Variants in ULK4 observed in about 807,000 individuals in gnomAD.
The protein encoded by ULK4 is unc-51 like kinase 4.
ULK4 carries 133 observed loss-of-function variants against 160.6 expected under a neutral mutation model. The observed-to-expected ratio is 0.83, with a 90% CI of 0.72 to 0.96. The LOEUF is 0.96. Ranked by LOEUF, ULK4 falls within the 40% of genes least tolerant of loss-of-function variation. The pLI, the probability that ULK4 is intolerant of heterozygous loss-of-function variation, is 0.00. For missense variants in ULK4, 1,580 were observed against 1,499.5 expected (o/e 1.05, Z -0.89); for synonymous variants, 534 against 539.8 (o/e 0.99, Z 0.15).
chr3:41,627,484 C>A (rs913973945), intron 30 of ULK4, among the ~76,000 whole-genome samples: 1 of 152,338 alleles, frequency 6.6e-6, no homozygotes, highest in South Asian at 2.1e-4. Flanking sequence ...AGCCCCCATC[C>A]GGCAAGGACA....
chr3:41,953,096 A>G (rs1050050106), intron 2 of ULK4, among the ~76,000 whole-genome samples: 7 of 152,004 alleles, frequency 4.6e-5, no homozygotes, highest in Admixed American at 1.3e-4. Context: ...TTACAAGATG[A>G]AAACAGTTAT....
intron 35 of ULK4, among the ~76,000 whole-genome samples, chr3:41,382,177 CAT>C (rs1409743755): frequency 1.3e-5 from 2 of 152,162 alleles, no homozygotes; most frequent in African/African-American, 2.4e-5. Context: ...TAAAATACCA[CAT>C]AGTTTACTTA....
chr3:41,754,383 A>G lies in ULK4; in HGVS notation c.2299T>C (p.Leu767=). The change falls in exon 22 of 37, where the codon TTG becomes CTG. Residue 767 remains leucine, a synonymous_variant. Transcript: ENST00000301831. ...TACCTTGCTTGGCAACTGAGCAGCAACATCTCACGGTTATAAATCAAAATA... is the reference window on the plus strand; with the variant it reads ...TACCTTGCTTGGCAACTGAGCAGCAGCATCTCACGGTTATAAATCAAAATA... ...LYILIYNREM[L]LLSCQARLVM... is the part of the protein sequence containing the mutation. The G allele has an allele frequency of 6.2e-7, 1 of 1,612,028 alleles. No homozygotes were observed. The highest frequency in any genetic ancestry group is 8.5e-7 in the Non-Finnish European group (1 of 1,179,352).
intron 34 of ULK4, among the ~76,000 whole-genome samples, chr3:41,400,003 A>G (rs2082145924): frequency 6.6e-6 from 1 of 152,114 alleles, no homozygotes. Flanking sequence ...GTAAGTAGAG[A>G]TCCAATTTTA....
intron 27 of ULK4, among the ~76,000 whole-genome samples, chr3:41,699,946 G>C (rs1220018736): frequency 6.6e-6 from 1 of 152,110 alleles, no homozygotes; most frequent in Non-Finnish European, 1.5e-5. Flanking sequence ...ATGCAAAATA[G>C]ATATTTATAA....
chr3:41,931,625 T>A, intron 5 of ULK4: 1 of 478,316 alleles, frequency 2.1e-6, no homozygotes, highest in Non-Finnish European at 3.6e-6. Flanking sequence ...GAAATACAGG[T>A]TTTGTTAAGG....
intron 35 of ULK4, among the ~76,000 whole-genome samples, chr3:41,392,767 T>A (rs2081982420): frequency 6.6e-6 from 1 of 152,166 alleles, no homozygotes; most frequent in African/African-American, 2.4e-5. Flanking sequence ...TGTCTTTTCC[T>A]CCTTAACTTC....
intron 22 of ULK4, among the ~76,000 whole-genome samples, chr3:41,727,954 AAG>A (rs774255330): frequency 6.6e-6 from 1 of 152,226 alleles, no homozygotes; most frequent in African/African-American, 2.4e-5. Flanking sequence ...AGAGGTGAAA[AAG>A]AGAAGTCAAG....
At chr3:41,799,743 GTCCC>G (rs1230034106) in intron 20 of ULK4, among the ~76,000 whole-genome samples, 3 of 152,076 alleles carry the variant, frequency 2.0e-5, no homozygotes, top group African/African-American at 7.2e-5. Flanking sequence ...CATGCCTGTA[GTCCC>G]AGCTACTTGG....
At chr3:41,921,752 G>C (rs757527969) in intron 5 of ULK4, among the ~76,000 whole-genome samples, 1 of 152,170 alleles carries the variant, frequency 6.6e-6, no homozygotes, top group Non-Finnish European at 1.5e-5. Flanking sequence ...TAAGTTAAAT[G>C]GTTTATGCAA....
intron 34 of ULK4, among the ~76,000 whole-genome samples, chr3:41,401,891 T>C (rs2082188643): frequency 6.6e-6 from 1 of 152,198 alleles, no homozygotes; most frequent in Non-Finnish European, 1.5e-5. Context: ...AGTTGTGTGA[T>C]ATACTGGAAA....
At chr3:41,429,729 G>A (rs979900630) in intron 34 of ULK4, among the ~76,000 whole-genome samples, 1 of 151,888 alleles carries the variant, frequency 6.6e-6, no homozygotes, top group African/African-American at 2.4e-5. Flanking sequence ...ACACATACTG[G>A]GGCCTGTCGG....
intron 22 of ULK4, among the ~76,000 whole-genome samples, chr3:41,729,006 GC>G (rs2125862135): frequency 6.6e-6 from 1 of 152,222 alleles, no homozygotes; most frequent in Admixed American, 6.5e-5. Context: ...GACTGAAGGT[GC>G]CTGATACTCA....
chr3:41,788,944 T>C (rs2040072268), intron 21 of ULK4, among the ~76,000 whole-genome samples: 1 of 152,148 alleles, frequency 6.6e-6, no homozygotes, highest in African/African-American at 2.4e-5. Context: ...AAGCATAAAG[T>C]TCAAACAAAT....
chr3:41,725,482 G>C (rs1393880220), intron 22 of ULK4, among the ~76,000 whole-genome samples: 1 of 152,108 alleles, frequency 6.6e-6, no homozygotes, highest in African/African-American at 2.4e-5. Context: ...GCTTCAGAGA[G>C]TCTAATCTGT....
At chr3:41,364,965 G>A (rs2081227113) in intron 35 of ULK4, among the ~76,000 whole-genome samples, 1 of 152,170 alleles carries the variant, frequency 6.6e-6, no homozygotes, top group Non-Finnish European at 1.5e-5. Context: ...GGCAAGGGGT[G>A]GGGCCTGAGA....
At chr3:41,599,654 T>A (rs1218997032) in intron 31 of ULK4, among the ~76,000 whole-genome samples, 1 of 145,464 alleles carries the variant, frequency 6.9e-6, no homozygotes, top group Non-Finnish European at 1.5e-5. Flanking sequence ...AACCTTCACC[T>A]CCTGGGTTCA....
intron 17 of ULK4, among the ~76,000 whole-genome samples, chr3:41,853,549 A>G (rs1253809265): frequency 6.6e-6 from 1 of 152,150 alleles, no homozygotes; most frequent in South Asian, 2.1e-4. Context: ...AGAATAAACT[A>G]TGTTCTAACT....
chr3:41,262,517 G>A (rs60422795), intron 35 of ULK4, among the ~76,000 whole-genome samples: 50,158 of 151,950 alleles, frequency 0.33, 10,076 homozygotes, highest in Non-Finnish European at 0.44. Context: ...CCTCCTCCTG[G>A]GGTCTGTATG....
Sources: gnomAD v4.1 joint callset for allele counts (sites outside exome capture counted in the v4.1 genomes callset) on GRCh38, gnomAD v4.1.1 for gene constraint, MANE v1.5 for transcripts, NCBI Gene and HGNC (gene_info 2026-07-23, HGNC 2026-07-21) for gene names.